SLC13A1: variants seen among roughly 807,000 people sequenced by gnomAD.
SLC13A1 encodes the protein solute carrier family 13 member 1.
A neutral mutation model predicts 70.0 loss-of-function variants in SLC13A1; 65 were observed. That is an observed-to-expected ratio of 0.93 (90% confidence interval 0.76 to 1.14). SLC13A1 has a LOEUF of 1.14. SLC13A1 is among the 50% of genes most tolerant of loss of function. The pLI is 0.00. For synonymous variants in SLC13A1, 275 were observed against 250.5 expected (o/e 1.10, Z -0.92); for missense variants, 726 against 717.8 (o/e 1.01, Z -0.13).
intron 11 of SLC13A1, among the ~76,000 whole-genome samples, chr7:123,125,081 C>G (rs1793514408): frequency 6.6e-6 from 1 of 152,038 alleles, no homozygotes. Context: ...CACATCTGGC[C>G]CTTTTATTTC....
intron 10 of SLC13A1, among the ~76,000 whole-genome samples, chr7:123,126,020 T>C (rs113535582): frequency 2.0e-5 from 3 of 152,318 alleles, no homozygotes; most frequent in African/African-American, 7.2e-5. Flanking sequence ...TTTAATTTAA[T>C]AATATTGATC....
At chr7:123,148,152 T>C (rs929377500) in intron 6 of SLC13A1, among the ~76,000 whole-genome samples, 3 of 152,162 alleles carry the variant, frequency 2.0e-5, no homozygotes, top group Admixed American at 2.0e-4. Context: ...TTAAGGATCA[T>C]GTAACTTGGA....
chr7:123,169,752 T>C (rs1244597531), intron 3 of SLC13A1, among the ~76,000 whole-genome samples: 1 of 152,124 alleles, frequency 6.6e-6, no homozygotes, highest in Non-Finnish European at 1.5e-5. Context: ...GTCCCTTATT[T>C]TTTCTTTTAT....
At chr7:123,145,797 AC>A (rs1166518263) in intron 7 of SLC13A1, among the ~76,000 whole-genome samples, 1 of 152,204 alleles carries the variant, frequency 6.6e-6, no homozygotes, top group African/African-American at 2.4e-5. Flanking sequence ...TGTTCGTTGA[AC>A]ACAAACACCC....
At chr7:123,120,511 G>A (rs1388636977) in intron 12 of SLC13A1, among the ~76,000 whole-genome samples, 1 of 151,952 alleles carries the variant, frequency 6.6e-6, no homozygotes, top group African/African-American at 2.4e-5. Flanking sequence ...CAAGGATGTT[G>A]TTCTGTGTTT....
intron 6 of SLC13A1, among the ~76,000 whole-genome samples, chr7:123,161,127 G>A (rs1794879398): frequency 6.6e-6 from 1 of 151,192 alleles, no homozygotes; most frequent in Non-Finnish European, 1.5e-5. Context: ...TCTTTGACAA[G>A]ACTTGTAAGA....
At chr7:123,135,503 T>A (rs762097701) in intron 7 of SLC13A1, among the ~76,000 whole-genome samples, 25 of 152,128 alleles carry the variant, frequency 1.6e-4, no homozygotes, top group Non-Finnish European at 3.2e-4. Flanking sequence ...CATTAACATA[T>A]TTTAATATGT....
intron 2 of SLC13A1, among the ~76,000 whole-genome samples, chr7:123,173,185 A>T (rs1406369379): frequency 6.6e-6 from 1 of 152,132 alleles, no homozygotes; most frequent in Non-Finnish European, 1.5e-5. Flanking sequence ...CAAAAAGGAA[A>T]ATCAATTCTT....
intron 6 of SLC13A1, among the ~76,000 whole-genome samples, chr7:123,163,496 C>A (rs1563340276): frequency 6.6e-6 from 1 of 152,030 alleles, no homozygotes; most frequent in South Asian, 2.1e-4. Context: ...AAAATAAGGT[C>A]CTGGACTACT....
At chr7:123,175,010 G>T (rs1795401593) in intron 2 of SLC13A1, among the ~76,000 whole-genome samples, 1 of 151,796 alleles carries the variant, frequency 6.6e-6, no homozygotes, top group Non-Finnish European at 1.5e-5. Flanking sequence ...TTTATATATT[G>T]ATAATTTCTT....
rs548737330 is a variant in SLC13A1 at position 123,120,163 on chromosome 7, CT to C, written c.1351-922del. Among the ~76,000 whole-genome samples, 557 of 152,084 alleles carry C rather than the reference CT, an allele frequency of 3.7e-3. 1 individual carries two copies. The highest frequency in any genetic ancestry group is 6.7e-3 in the Non-Finnish European group (458 of 67,926). On this transcript the variant is annotated intron_variant, in intron 12 of 14. Transcript: ENST00000194130. ...TTCAACTGTTGTTGTTCTGGGACCCCTTTTCACTATAATATTATGACGTTCC... is the reference window on the plus strand; with the variant it reads ...TTCAACTGTTGTTGTTCTGGGACCCCTTTCACTATAATATTATGACGTTCC...
chr7:123,190,434 T>G lies in SLC13A1; in HGVS notation c.100-9333A>C, dbSNP rs568835444. The G allele has an allele frequency of 2.2e-3, 829 of 376,204 alleles. 14 individuals carry two copies. Among genetic ancestry groups the G allele is most frequent in the South Asian group, 0.016 (804 of 50,166 alleles). The allele number at this position is 376,204 out of a possible 1,614,324, so 23.3% of individuals were successfully genotyped here. A position where few individuals can be genotyped will look rare whatever the true frequency, so the allele number is the denominator to read the frequency against. ...TCCAGAATTGTTTAAACTCCCTTTA[T>G]GAGAGAAATGGCTGGTAACTCACCT... On this transcript the variant is annotated intron_variant, in intron 1 of 14. Transcript: ENST00000194130.
intron 1 of SLC13A1, among the ~76,000 whole-genome samples, chr7:123,194,056 C>A (rs1267932399): frequency 6.6e-6 from 1 of 152,132 alleles, no homozygotes; most frequent in Non-Finnish European, 1.5e-5. Context: ...GTGACAGGCA[C>A]TGGGTTTGGT....
chr7:123,171,984 C>T lies in SLC13A1; in HGVS notation c.229-80G>A. 4 of 1,340,212 alleles carry T rather than the reference C, an allele frequency of 3.0e-6. No individual in the cohort carries two copies. In the South Asian group the frequency reaches 4.0e-5, roughly 13 times the overall value. 83.0% of individuals were successfully genotyped at this position (1,340,212 alleles called of 1,614,324 possible). ...GCACAAGAAAGACATTATTATGCTG[C>T]TCTTAATTTTGACCTTCAACCGCAT... On this transcript the variant is annotated intron_variant, in intron 2 of 14. Transcript: ENST00000194130.
At position 123,183,271 on chromosome 7, in the gene SLC13A1, A is replaced by G. The variant is rs74949993; in HGVS notation, c.100-2170T>C. Among the ~76,000 whole-genome samples the G allele has an allele frequency of 8.4e-3, 1,273 of 152,272 alleles. 19 individuals are homozygous for G. The highest frequency in any genetic ancestry group is 0.028 in the African/African-American group (1,181 of 41,560). ...AAGTCTATGTGCTTAATTTGAGTCA[A>G]GATTTACAAATCAGCAGATTTAATG... is the stretch of plus-strand genomic sequence containing the variant. On this transcript the variant is annotated intron_variant, in intron 1 of 14. Transcript: ENST00000194130.
intron 6 of SLC13A1, among the ~76,000 whole-genome samples, chr7:123,151,720 G>C (rs1794562565): frequency 6.6e-6 from 1 of 152,050 alleles, no homozygotes; most frequent in Non-Finnish European, 1.5e-5. Flanking sequence ...TGACAGACTT[G>C]GGTTTTGAAA....
At chr7:123,149,758 GT>G in intron 6 of SLC13A1, 1 of 396,902 alleles carries the variant, frequency 2.5e-6, no homozygotes, top group South Asian at 1.8e-5. Flanking sequence ...CAACTTTGCT[GT>G]TGAATTAATT....
At chr7:123,167,959 G>A (rs193260058) in intron 6 of SLC13A1, among the ~76,000 whole-genome samples, 14 of 151,938 alleles carry the variant, frequency 9.2e-5, no homozygotes, top group African/African-American at 1.9e-4. Flanking sequence ...CTTATTACCC[G>A]GGTAAGGAAA....
chr7:123,192,215 A>T (rs548678089), intron 1 of SLC13A1, among the ~76,000 whole-genome samples: 1 of 152,250 alleles, frequency 6.6e-6, no homozygotes, highest in South Asian at 2.1e-4. Flanking sequence ...AGACATTCCC[A>T]CTTACCCAGC....
Sources: allele counts gnomAD v4.1 joint callset (sites outside exome capture counted in the v4.1 genomes callset), GRCh38; gene constraint gnomAD v4.1.1; transcripts MANE v1.5; gene names NCBI Gene and HGNC (gene_info 2026-07-23, HGNC 2026-07-21).